BCAR3: variants seen among roughly 807,000 people sequenced by gnomAD.
BCAR3 encodes BCAR3 adaptor protein, NSP family member.
Under a neutral mutation model 80.1 loss-of-function variants are expected in BCAR3, and 37 were observed. That is an observed-to-expected ratio of 0.46 (90% confidence interval 0.36 to 0.61). BCAR3 has a LOEUF of 0.61. BCAR3 is among the 20% of genes least tolerant of loss of function. The probability of loss-of-function intolerance (pLI) is 0.00; values close to 1 mark genes in which losing one functional copy is unlikely to be tolerated. For missense variants in BCAR3, 978 were observed against 1,068.2 expected, an observed-to-expected ratio of 0.92 and a Z score of 1.18; for synonymous variants, 389 against 418.9, an observed-to-expected ratio of 0.93 and a Z score of 0.87.
intron 4 of BCAR3, among the ~76,000 whole-genome samples, chr1:93,590,535 T>A (rs982827166): frequency 6.6e-6 from 1 of 152,224 alleles, no homozygotes; most frequent in African/African-American, 2.4e-5. Flanking sequence ...ATGCAAGTAG[T>A]AAACGAATGT....
chr1:93,628,775 T>C (rs1401799395), intron 3 of BCAR3, among the ~76,000 whole-genome samples: 1 of 152,194 alleles, frequency 6.6e-6, no homozygotes, highest in Admixed American at 6.5e-5. Flanking sequence ...GTCTTTCCAG[T>C]CCTCCACCCC....
intron 2 of BCAR3, among the ~76,000 whole-genome samples, chr1:93,806,157 G>A (rs1373714149): frequency 1.3e-5 from 2 of 152,196 alleles, no homozygotes; most frequent in Admixed American, 6.5e-5. Context: ...TAGTGTTGAA[G>A]AGGAAAACTT....
At chr1:93,629,837 T>C (rs1233540631) in intron 3 of BCAR3, among the ~76,000 whole-genome samples, 1 of 152,114 alleles carries the variant, frequency 6.6e-6, no homozygotes, top group East Asian at 1.9e-4. Flanking sequence ...CCCAAATATG[T>C]GAGTATTTAA....
chr1:93,659,799 C>T (rs1428296044), intron 2 of BCAR3, among the ~76,000 whole-genome samples: 1 of 152,018 alleles, frequency 6.6e-6, no homozygotes, highest in Non-Finnish European at 1.5e-5. Context: ...CTCATTCATC[C>T]CTGGCTTCTC....
At chr1:93,638,698 G>A (rs1273883386) in intron 3 of BCAR3, among the ~76,000 whole-genome samples, 1 of 152,196 alleles carries the variant, frequency 6.6e-6, no homozygotes, top group African/African-American at 2.4e-5. Flanking sequence ...GAGGAAGGTG[G>A]AGCCACTCTG....
At chr1:93,691,769 GA>G (rs377675561) in intron 3 of BCAR3, among the ~76,000 whole-genome samples, 2,106 of 148,656 alleles carry the variant, frequency 0.014, 18 homozygotes, top group Non-Finnish European at 0.021. Flanking sequence ...CATTTTCCAG[GA>G]AAAAAAAAAT....
At chr1:93,660,053 C>CGTGTGTGTGTGTGTGT (rs76729025) in intron 2 of BCAR3, among the ~76,000 whole-genome samples, 1 of 147,236 alleles carries the variant, frequency 6.8e-6, no homozygotes, top group South Asian at 2.2e-4. Flanking sequence ...AATAAATGAA[C>CGTGTGTGTGTGTGTGT]GTGTGTGTGT....
intron 3 of BCAR3, among the ~76,000 whole-genome samples, chr1:93,604,951 C>G (rs2101871108): frequency 6.6e-6 from 1 of 152,312 alleles, no homozygotes. Context: ...GTTTCTTACC[C>G]CTTGATAAAC....
intron 3 of BCAR3, among the ~76,000 whole-genome samples, chr1:93,617,364 T>C (rs1250863411): frequency 6.6e-6 from 1 of 152,154 alleles, no homozygotes; most frequent in African/African-American, 2.4e-5. Context: ...TGGAACGTAA[T>C]ACTGCCCATA....
intron 2 of BCAR3, among the ~76,000 whole-genome samples, chr1:93,651,081 T>TAG (rs1193780205): frequency 3.3e-5 from 5 of 151,664 alleles, no homozygotes; most frequent in African/African-American, 4.8e-5. Context: ...AGCAACCAGG[T>TAG]AGAGAGAGAA....
intron 2 of BCAR3, among the ~76,000 whole-genome samples, chr1:93,781,678 A>G (rs1428760339): frequency 6.6e-6 from 1 of 152,158 alleles, no homozygotes; most frequent in Non-Finnish European, 1.5e-5. Context: ...GTTCTCAGCC[A>G]TTATAATGCC....
chr1:93,582,177 G>T, intron 7 of BCAR3, 124 bp downstream of exon 7: 1 of 1,236,672 alleles, frequency 8.1e-7, no homozygotes, highest in Non-Finnish European at 1.1e-6. Flanking sequence ...TTTAATGGGT[G>T]AGGCAGAGTG....
intron 2 of BCAR3, among the ~76,000 whole-genome samples, chr1:93,827,961 C>T (rs1654428089): frequency 6.6e-6 from 1 of 152,082 alleles, no homozygotes; most frequent in Non-Finnish European, 1.5e-5. Context: ...CTCATTCTTC[C>T]CAGTCATAGA....
At chr1:93,568,074 T>A in intron 9 of BCAR3, 1 of 417,550 alleles carries the variant, frequency 2.4e-6, no homozygotes, top group Non-Finnish European at 4.4e-6. Flanking sequence ...TAATCCCAGC[T>A]ACTCGGGAGG....
At chr1:93,744,955 C>T (rs889682170) in intron 2 of BCAR3, among the ~76,000 whole-genome samples, 9 of 152,212 alleles carry the variant, frequency 5.9e-5, no homozygotes, top group African/African-American at 2.2e-4. Flanking sequence ...GGCCAAAACC[C>T]AAAGGCATTT....
intron 2 of BCAR3, among the ~76,000 whole-genome samples, chr1:93,766,185 G>C (rs931663042): frequency 6.6e-6 from 1 of 152,184 alleles, no homozygotes; most frequent in African/African-American, 2.4e-5. Context: ...AGATGTGTGG[G>C]ATAGTCAGTT....
At chr1:93,760,761 G>C (rs1199153302) in intron 2 of BCAR3, among the ~76,000 whole-genome samples, 1 of 152,160 alleles carries the variant, frequency 6.6e-6, no homozygotes, top group Non-Finnish European at 1.5e-5. Flanking sequence ...GCAAACATAG[G>C]TGAGCTTTCC....
In BCAR3 at chr1:93,571,728, T is replaced by C. The variant is rs1275994277; in HGVS notation, c.1916A>G (p.Asp639Gly). The change falls in exon 9 of 12, where the codon GAT becomes GGT. Residue 639 changes from aspartate to glycine, a missense_variant. Asp to Gly is a moderately conservative substitution (Grantham distance 94, BLOSUM62 -1). Transcript: ENST00000260502. ...KIIQVAVELK[D>G]SMGDLYSFSA... Reference sequence around the variant, plus strand: ...GAAGGAATAGAGGTCCCCCATGGAATCCTTCAGTTCCACCGCCACCTGGAT... The same window carrying C: ...GAAGGAATAGAGGTCCCCCATGGAACCCTTCAGTTCCACCGCCACCTGGAT... 1 of 1,614,126 alleles carries C rather than the reference T, an allele frequency of 6.2e-7. No individual in the cohort carries two copies. The highest frequency in any genetic ancestry group is 1.1e-5 in the South Asian group (1 of 91,070).
intron 3 of BCAR3, among the ~76,000 whole-genome samples, chr1:93,695,811 A>G (rs1649370402): frequency 6.6e-6 from 1 of 152,024 alleles, no homozygotes; most frequent in African/African-American, 2.4e-5. Context: ...GCTATATTTG[A>G]CATTGTTGAC....
Sources: gnomAD v4.1 joint callset for allele counts (sites outside exome capture counted in the v4.1 genomes callset) on GRCh38, gnomAD v4.1.1 for gene constraint, MANE v1.5 for transcripts, NCBI Gene and HGNC (gene_info 2026-07-23, HGNC 2026-07-21) for gene names.